Variants in BPIFB3 observed in about 807,000 individuals in gnomAD.
The protein encoded by BPIFB3 is BPI fold containing family B member 3.
In BPIFB3, 49 loss-of-function variants were observed where a neutral mutation model predicts 53.1. The observed-to-expected ratio is 0.92, with a 90% confidence interval of 0.73 to 1.17. BPIFB3 has a LOEUF of 1.17. Ranked by LOEUF, BPIFB3 falls within the 50% of genes most tolerant of loss-of-function variation. The pLI is 0.00. For synonymous variants in BPIFB3, 271 were observed against 269.6 expected, an observed-to-expected ratio of 1.01 and a Z score of -0.05; for missense variants, 628 against 592.5, an observed-to-expected ratio of 1.06 and a Z score of -0.62.
chr20:33,060,128 G>A (rs1477850824), intron 4 of BPIFB3, 97 bp downstream of exon 5: 8 of 1,511,260 alleles, frequency 5.3e-6, no homozygotes, highest in East Asian at 4.6e-5. Flanking sequence ...TGCCAGCTGC[G>A]GGGGCCTGAA....
Position 33,072,099 on chromosome 20 carries a change from T to G in BPIFB3, c.1261-5T>G. 3.1e-6 allele frequency: 5 copies of G among 1,614,118 alleles called. No individual in the cohort carries two copies. Among genetic ancestry groups the G allele is most frequent in the Non-Finnish European group, 4.2e-6 (5 of 1,179,980 alleles). On this transcript the variant is annotated splice_polypyrimidine_tract_variant and splice_region_variant and intron_variant, in intron 12 of 14. Coordinates refer to ENST00000375494, the Ensembl canonical transcript of BPIFB3. ...ACCCCCACCACCCTGTGTGTTCTGT[T>G]GCAGGGATCGCGTTTAGAAGAATGG...
At position 33,064,412 on chromosome 20, in the gene BPIFB3, G is replaced by C. The variant is rs763327107; in HGVS notation, c.653-45G>C. 7 of 1,490,368 alleles carry C rather than the reference G, an allele frequency of 4.7e-6. No homozygotes were observed. The South Asian group carries it at 7.9e-5, about 17-fold the overall frequency. The allele number at this position is 1,490,368 out of a possible 1,614,324, so 92.3% of individuals were successfully genotyped here. A position where few individuals can be genotyped will look rare whatever the true frequency, so the allele number is the denominator to read the frequency against. ...TGGAAATAGGGGCTATTATGATTGGGAACTGGGCTTATAGGGTCGTTCTCG... is the reference window on the plus strand; with the variant it reads ...TGGAAATAGGGGCTATTATGATTGGCAACTGGGCTTATAGGGTCGTTCTCG... On this transcript the variant is annotated intron_variant, in intron 6 of 14. Coordinates refer to ENST00000375494, the Ensembl canonical transcript of BPIFB3.
intron 11 of BPIFB3, among the ~76,000 whole-genome samples, chr20:33,070,289 G>A (rs761682692): frequency 1.3e-5 from 2 of 152,128 alleles, no homozygotes; most frequent in Non-Finnish European, 2.9e-5. Context: ...AGAGACAACC[G>A]GCCTTGAGTG....
At chr20:33,069,452 CCTT>C (rs2146391356) in intron 10 of BPIFB3, among the ~76,000 whole-genome samples, 1 of 152,292 alleles carries the variant, frequency 6.6e-6, no homozygotes, top group East Asian at 1.9e-4. Flanking sequence ...CCTTGCCCGT[CCTT>C]GTCCCCTAAG....
At chr20:33,059,995 G>A (rs1405480291) in exon 4 of BPIFB3, 3 of 1,614,022 alleles carry the variant, frequency 1.9e-6, no homozygotes, top group Non-Finnish European at 2.5e-6. Flanking sequence ...CTCAAGCGCT[G>A]CAGCACGCTC....
chr20:33,073,054 G>A (rs1980972870), intron 14 of BPIFB3, among the ~76,000 whole-genome samples: 1 of 152,194 alleles, frequency 6.6e-6, no homozygotes, highest in Non-Finnish European at 1.5e-5. Flanking sequence ...TCAGAGACAT[G>A]TCTGGCCTCT....
At chr20:33,059,140 G>T (rs143074981) in intron 2 of BPIFB3, among the ~76,000 whole-genome samples, 1 of 152,126 alleles carries the variant, frequency 6.6e-6, no homozygotes, top group Admixed American at 6.5e-5. Context: ...ACCGTACCAG[G>T]TTCTGCACTC....
intron 2 of BPIFB3, among the ~76,000 whole-genome samples, chr20:33,058,783 C>A (rs201590743): frequency 2.0e-5 from 3 of 151,758 alleles, no homozygotes; most frequent in Admixed American, 1.3e-4. Flanking sequence ...GGCATCTGCC[C>A]GAGGCAGAAA....
exon 8 of BPIFB3, chr20:33,064,720 C>G: frequency 5.0e-6 from 8 of 1,614,124 alleles, no homozygotes; most frequent in Non-Finnish European, 6.8e-6. Flanking sequence ...GTCCCGTGCC[C>G]CAGCCAAGGT....
chr20:33,071,296 G>C lies in BPIFB3; in HGVS notation c.1260+1G>C. The C allele has an allele frequency of 6.4e-7, 1 of 1,561,572 alleles. No homozygotes were observed. The highest frequency in any genetic ancestry group is 1.2e-5 in the South Asian group (1 of 84,682). On this transcript the variant is annotated splice_donor_variant, in intron 12 of 14. Coordinates refer to ENST00000375494, the Ensembl canonical transcript of BPIFB3. LOFTEE classifies it high-confidence loss of function. ...CTCCTCCTTTACCCATGCCTTTGAC[G>C]TAAGTTCCTGGGAGGGTGAGGGGCT...
intron 14 of BPIFB3, among the ~76,000 whole-genome samples, chr20:33,073,050 A>G (rs192821585): frequency 5.9e-5 from 9 of 152,364 alleles, no homozygotes; most frequent in Non-Finnish European, 1.3e-4. Flanking sequence ...GGATTCAGAG[A>G]CATGTCTGGC....
intron 6 of BPIFB3, 59 bp from the exon 8 acceptor site, chr20:33,064,398 G>A (rs1980577528): frequency 1.5e-6 from 2 of 1,351,332 alleles, no homozygotes; most frequent in Non-Finnish European, 2.1e-6. Flanking sequence ...GGAAATAGGG[G>A]CTATTATGAT....
At chr20:33,065,990 G>A (rs1439253604) in intron 8 of BPIFB3, among the ~76,000 whole-genome samples, 1 of 152,252 alleles carries the variant, frequency 6.6e-6, no homozygotes, top group East Asian at 1.9e-4. Context: ...TGAGCGGCCT[G>A]CGGATGTGGG....
At chr20:33,072,108 C>G (rs775466758) in exon 13 of BPIFB3, 2 of 1,614,044 alleles carry the variant, frequency 1.2e-6, no homozygotes, top group Non-Finnish European at 1.7e-6. Flanking sequence ...TTGCAGGGAT[C>G]GCGTTTAGAA....
intron 14 of BPIFB3, 138 bp downstream of exon 15, chr20:33,072,931 T>A: frequency 1.3e-6 from 1 of 756,266 alleles, no homozygotes; most frequent in Non-Finnish European, 2.2e-6. Context: ...CTCAGTGAGT[T>A]ACAAATTGCC....
At chr20:33,067,320 G>A (rs1473459893) in intron 9 of BPIFB3, among the ~76,000 whole-genome samples, 1 of 152,228 alleles carries the variant, frequency 6.6e-6, no homozygotes, top group Non-Finnish European at 1.5e-5. Context: ...CCAGGCCTCA[G>A]CTTTCCCATC....
intron 5 of BPIFB3, among the ~76,000 whole-genome samples, chr20:33,062,073 TAAGA>T (rs542030707): frequency 0.01 from 1 of 98 alleles, no homozygotes; most frequent in African/African-American, 0.071. Flanking sequence ...CTAAGAAGGG[TAAGA>T]ACCCCTGCTC....
At chr20:33,059,523 C>T in intron 3 of BPIFB3, 41 bp downstream of exon 4, 2 of 1,450,524 alleles carry the variant, frequency 1.4e-6, no homozygotes, top group Admixed American at 1.9e-5. Context: ...TGCTTCCTAT[C>T]CCACCCCCTG....
At position 33,061,776 on chromosome 20, in the gene BPIFB3, C is replaced by CCACA. The variant is rs944907997; in HGVS notation, c.538_541dup (p.Pro181HisfsTer32). ...TGTCTCCCTCTGCTCAGGCTGCTGC[C>CCACA]CACACCACTCTTTGGGGTCGTGGAA... On this transcript the variant is annotated frameshift_variant, in exon 5 of 15. Transcript: ENST00000375494. LOFTEE classifies it high-confidence loss of function. The CCACA allele has an allele frequency of 5.6e-6, 9 of 1,614,102 alleles. No individual in the cohort carries two copies. Among genetic ancestry groups the CCACA allele is most frequent in the Non-Finnish European group, 7.6e-6 (9 of 1,180,044 alleles).
Sources: allele counts gnomAD v4.1 joint callset (sites outside exome capture counted in the v4.1 genomes callset), GRCh38; gene constraint gnomAD v4.1.1; transcripts MANE v1.5; gene names NCBI Gene and HGNC (gene_info 2026-07-23, HGNC 2026-07-21).